Variants in DLGAP4 observed in about 807,000 individuals in gnomAD.
DLGAP4 encodes the protein disks large-associated protein 4.
A neutral mutation model predicts 86.9 loss-of-function variants in DLGAP4; 18 were observed. The ratio of observed to expected loss-of-function variants is 0.21; its 90% confidence interval spans 0.14 to 0.31. The LOEUF (loss-of-function observed/expected upper bound fraction) is 0.31, where lower values mean the gene tolerates loss of function less well. Ranked by LOEUF, DLGAP4 falls within the 10% of genes least tolerant of loss-of-function variation. DLGAP4 has a pLI of 1.00. For synonymous variants in DLGAP4, 548 were observed against 574.3 expected (o/e 0.95, Z 0.65); for missense variants, 1,085 against 1,362.6 (o/e 0.80, Z 3.21).
intron 1 of DLGAP4, among the ~76,000 whole-genome samples, chr20:36,362,204 G>A (rs1761489786): frequency 6.6e-6 from 1 of 151,392 alleles, no homozygotes; most frequent in South Asian, 2.1e-4. Context: ...AGGTTGCAGT[G>A]AGCCGAGATC....
At chr20:36,386,192 A>G (rs2031589958) in intron 2 of DLGAP4, among the ~76,000 whole-genome samples, 1 of 152,166 alleles carries the variant, frequency 6.6e-6, no homozygotes, top group African/African-American at 2.4e-5. Flanking sequence ...CCAGAGAGCA[A>G]GCAAGCGTGA....
At chr20:36,396,325 A>AC (rs2031948648) in intron 2 of DLGAP4, among the ~76,000 whole-genome samples, 1 of 68,832 alleles carries the variant, frequency 1.5e-5, no homozygotes, top group African/African-American at 4.6e-5. Flanking sequence ...AACCCAGCAC[A>AC]CACACACACA....
At chr20:36,346,043 C>T (rs1354400247) in intron 1 of DLGAP4, among the ~76,000 whole-genome samples, 1 of 152,200 alleles carries the variant, frequency 6.6e-6, no homozygotes, top group East Asian at 1.9e-4. Context: ...AGGTGTGAGC[C>T]ACCATGCCCA....
At chr20:36,418,794 C>T (rs4497920) in intron 2 of DLGAP4, among the ~76,000 whole-genome samples, 85 of 151,196 alleles carry the variant, frequency 5.6e-4, no homozygotes, top group African/African-American at 1.9e-3. Flanking sequence ...GTCACACGTC[C>T]CCAGCAGCCA....
chr20:36,386,960 A>G (rs2031620200), intron 2 of DLGAP4, among the ~76,000 whole-genome samples: 1 of 152,184 alleles, frequency 6.6e-6, no homozygotes, highest in African/African-American at 2.4e-5. Flanking sequence ...TTTCTGCCGA[A>G]TAGTATTCCA....
chr20:36,409,920 G>A (rs1392857604), intron 2 of DLGAP4, among the ~76,000 whole-genome samples: 1 of 150,782 alleles, frequency 6.6e-6, no homozygotes, highest in African/African-American at 2.4e-5. Context: ...TATAGTCCCA[G>A]CTACTCGGGA....
intron 1 of DLGAP4, among the ~76,000 whole-genome samples, chr20:36,332,362 G>GT (rs2065277752): frequency 6.6e-6 from 1 of 151,812 alleles, no homozygotes. Context: ...CGCCCGTTCC[G>GT]TTTTTTGTTT....
intron 2 of DLGAP4, among the ~76,000 whole-genome samples, chr20:36,407,622 G>C (rs1220237334): frequency 6.6e-6 from 1 of 152,100 alleles, no homozygotes; most frequent in Non-Finnish European, 1.5e-5. Flanking sequence ...ATCAAGGAAA[G>C]GGAGAACATT....
chr20:36,484,214 TAA>T (rs946651242), intron 7 of DLGAP4, among the ~76,000 whole-genome samples: 50 of 150,462 alleles, frequency 3.3e-4, no homozygotes, highest in African/African-American at 1.2e-3. Context: ...CCGATATAGT[TAA>T]AGTGCTTCAT....
At chr20:36,513,601 C>A (rs1309172864) in intron 10 of DLGAP4, among the ~76,000 whole-genome samples, 1 of 150,366 alleles carries the variant, frequency 6.7e-6, no homozygotes, top group African/African-American at 2.4e-5. Flanking sequence ...GCTTCTCTAT[C>A]CAAATGAGAA....
intron 1 of DLGAP4, among the ~76,000 whole-genome samples, chr20:36,342,852 AGCAGAG>A (rs1555892631): frequency 6.6e-6 from 1 of 152,216 alleles, no homozygotes; most frequent in Admixed American, 6.5e-5. Flanking sequence ...AAGGCCTCTC[AGCAGAG>A]GCGACATTTG....
chr20:36,461,624 G>GCGCTTCCGTCCT, intron 7 of DLGAP4: 2 of 932,710 alleles, frequency 2.1e-6, no homozygotes, highest in Non-Finnish European at 2.5e-6. Context: ...AGCGCCGCCC[G>GCGCTTCCGTCCT]GAGCAGCCGC....
chr20:36,476,318 C>CTT lies in DLGAP4; in HGVS notation c.1649-20362_1649-20361dup, dbSNP rs1028980966. ...CCCTTGCCTGGTCCCTGGCAACCAC[C>CTT]TTTTTTTTTTTTTTTTTTTTTTTTT... On this transcript the variant is annotated intron_variant, in intron 7 of 12. Transcript: ENST00000339266. Among the ~76,000 whole-genome samples, 167 of 119,620 alleles carry CTT rather than the reference C, an allele frequency of 1.4e-3. 18 individuals carry two copies. Among genetic ancestry groups the CTT allele is most frequent in the African/African-American group, 3.2e-3 (102 of 31,810 alleles). 78.5% of individuals were successfully genotyped at this position (119,620 alleles called of 152,430 possible). A position where few individuals can be genotyped will look rare whatever the true frequency, so the allele number is the denominator to read the frequency against.
intron 2 of DLGAP4, among the ~76,000 whole-genome samples, chr20:36,403,512 T>C (rs142859841): frequency 6.6e-6 from 1 of 152,328 alleles, no homozygotes; most frequent in African/African-American, 2.4e-5. Flanking sequence ...AGGGCAAAGC[T>C]GGGGCCAAAG....
At chr20:36,327,748 C>T (rs569244217) in intron 1 of DLGAP4, among the ~76,000 whole-genome samples, 2,397 of 148,852 alleles carry the variant, frequency 0.016, 25 homozygotes, top group Non-Finnish European at 0.023. Context: ...CCCGCCACTA[C>T]GCCCGGCTAA....
chr20:36,487,928 G>A (rs373018748), intron 7 of DLGAP4, among the ~76,000 whole-genome samples: 105 of 152,118 alleles, frequency 6.9e-4, no homozygotes, highest in African/African-American at 2.4e-3. Flanking sequence ...TGCGCCGGGC[G>A]TGGTGGCTCA....
At chr20:36,406,474 C>T (rs2032326501) in intron 2 of DLGAP4, among the ~76,000 whole-genome samples, 1 of 151,704 alleles carries the variant, frequency 6.6e-6, no homozygotes, top group Non-Finnish European at 1.5e-5. Context: ...CACAGATGCT[C>T]TGCGTGTCTT....
chr20:36,489,858 T>C (rs1013035094), intron 7 of DLGAP4, among the ~76,000 whole-genome samples: 76 of 137,972 alleles, frequency 5.5e-4, no homozygotes, highest in Admixed American at 1.8e-3. Flanking sequence ...AATTCTTCTT[T>C]TTTTTTTTTT....
chr20:36,525,716 C>T, intron 11 of DLGAP4, 135 bp from the exon 12 acceptor site: 2 of 1,184,476 alleles, frequency 1.7e-6, no homozygotes, highest in Non-Finnish European at 2.4e-6. Flanking sequence ...CATACAGATA[C>T]TTACCCAGAC....
Sources: allele counts gnomAD v4.1 joint callset (sites outside exome capture counted in the v4.1 genomes callset), GRCh38; gene constraint gnomAD v4.1.1; transcripts MANE v1.5; gene names NCBI Gene and HGNC (gene_info 2026-07-23, HGNC 2026-07-21).